FLNB: variants seen among roughly 807,000 people sequenced by gnomAD.
FLNB encodes the protein filamin-B.
FLNB carries 111 observed loss-of-function variants against 250.6 expected under a neutral mutation model. The observed-to-expected ratio is 0.44, with a 90% CI of 0.38 to 0.52. The LOEUF (loss-of-function observed/expected upper bound fraction) is 0.52. FLNB is among the 20% of genes least tolerant of loss of function. FLNB has a pLI of 0.00. For missense variants in FLNB, 2,869 were observed against 3,447.8 expected (o/e 0.83, Z 4.20); for synonymous variants, 1,302 against 1,372.1 (o/e 0.95, Z 1.13).
chr3:58,162,801 T>A, intron 42 of FLNB: 2 of 307,242 alleles, frequency 6.5e-6, no homozygotes, highest in South Asian at 6.4e-5. Flanking sequence ...AAACATAATT[T>A]AATTTTGGTG....
Position 58,148,775 on chromosome 3 carries a change from C to T in FLNB, c.6014C>T (p.Ala2005Val). Residue 2005 changes from alanine (A) to valine (V), a missense_variant, in exon 36 of 46, where the codon GCC becomes GTC. Physicochemically the swap from Ala to Val is moderately conservative, Grantham distance 64. Coordinates refer to ENST00000295956, the MANE Select transcript of FLNB (RefSeq NM_001457.4). ...VQSEIGDARRAKVYGRGLSEG... is the reference protein window; with the variant it reads ...VQSEIGDARRVKVYGRGLSEG... ...TCGGAGATTGGTGACGCCCGCCGAG[C>T]CAAAGTCTATGGCCGCGGCCTGTCA... is the stretch of plus-strand genomic sequence containing the variant. 11 of 1,614,080 alleles carry T rather than the reference C, an allele frequency of 6.8e-6. No homozygotes were observed. The highest frequency in any genetic ancestry group is 9.3e-6 in the Non-Finnish European group (11 of 1,180,008).
At chr3:58,112,068 C>A in intron 17 of FLNB, 81 bp from the exon 18 acceptor site, 1 of 1,362,014 alleles carries the variant, frequency 7.3e-7, no homozygotes, top group Non-Finnish European at 1.0e-6. Flanking sequence ...AGACCTGGTG[C>A]TGTTGAACCT....
chr3:58,099,912 T>C (rs898336557), intron 8 of FLNB, among the ~76,000 whole-genome samples: 1 of 152,234 alleles, frequency 6.6e-6, no homozygotes, highest in Non-Finnish European at 1.5e-5. Context: ...AGGGCTTTTT[T>C]AGATGGTGAA....
intron 18 of FLNB, among the ~76,000 whole-genome samples, chr3:58,117,606 T>C (rs1273407717): frequency 1.3e-5 from 2 of 152,144 alleles, no homozygotes; most frequent in Non-Finnish European, 2.9e-5. Flanking sequence ...AGCGAGTCAG[T>C]CCTGCCTTAA....
chr3:58,123,371 A>G lies in FLNB; in HGVS notation c.3405A>G (p.Lys1135=), dbSNP rs765181185. 6.2e-6 allele frequency: 10 copies of G among 1,613,908 alleles called. No homozygotes were observed. The highest frequency in any genetic ancestry group is 8.5e-6 in the Non-Finnish European group (10 of 1,180,022). Residue 1135 remains lysine, a synonymous_variant, in exon 21 of 46, where the codon AAA becomes AAG. Transcript: ENST00000295956. ...ADIEMPFDPS[K]VVASGPGLEH... ...TTGAAATGCCCTTTGACCCCTCTAA[A>G]GTCGTGGCATCGGGGCCAGGTCTCG...
At position 58,081,722 on chromosome 3, in the gene FLNB, G is replaced by A; in HGVS notation, c.733G>A (p.Gly245Arg). ...SQFPKAKLKP[G>R]APLKPKLNPK... ...GTTCCCCAAAGCCAAGCTCAAGCCG[G>A]GGGCTCCTCTCAAACCCAAACTCAA... The change falls in exon 4 of 46, where the codon GGG (glycine) becomes AGG (arginine). Residue 245 changes from glycine to arginine, a missense_variant. Coordinates refer to ENST00000295956, the MANE Select transcript of FLNB (RefSeq NM_001457.4). 1 of 1,614,068 alleles carries A rather than the reference G, an allele frequency of 6.2e-7. No homozygotes were observed. Among genetic ancestry groups the A allele is most frequent in the South Asian group, 1.1e-5 (1 of 91,086 alleles).
chr3:58,089,107 C>CA (rs534465702), intron 4 of FLNB, among the ~76,000 whole-genome samples: 5,688 of 138,898 alleles, frequency 0.041, 131 homozygotes, highest in Non-Finnish European at 0.06. Flanking sequence ...TATCCAGTTT[C>CA]AAAAAAAAAA....
chr3:58,103,440 T>G (rs76489676), intron 9 of FLNB, among the ~76,000 whole-genome samples: 1,969 of 152,326 alleles, frequency 0.013, 41 homozygotes, highest in East Asian at 0.054. Context: ...GTTTGGAGTT[T>G]GCAGCGTCAC....
chr3:58,040,128 A>T (rs1464049153), intron 1 of FLNB, among the ~76,000 whole-genome samples: 2 of 152,214 alleles, frequency 1.3e-5, no homozygotes. Flanking sequence ...CTGGGCAACA[A>T]GAGCCATCTC....
intron 4 of FLNB, among the ~76,000 whole-genome samples, chr3:58,094,260 G>A (rs1053619226): frequency 6.6e-6 from 1 of 152,108 alleles, no homozygotes; most frequent in African/African-American, 2.4e-5. Context: ...TAGAGACAGG[G>A]TTTCACCATG....
At chr3:58,069,139 T>TAA (rs966824772) in intron 1 of FLNB, among the ~76,000 whole-genome samples, 12 of 134,606 alleles carry the variant, frequency 8.9e-5, no homozygotes, top group African/African-American at 2.5e-4. Context: ...ACCCTGTCTT[T>TAA]AAAAAAAAAA....
Position 58,142,518 on chromosome 3 carries a change from C to T in FLNB, c.5182-132C>T. The T allele has an allele frequency of 5.1e-6, 4 of 780,408 alleles. No individual in the cohort carries two copies. The highest frequency in any genetic ancestry group is 4.5e-5 in the South Asian group (3 of 66,528). 48.3% of individuals were successfully genotyped at this position (780,408 alleles called of 1,614,324 possible). A position where few individuals can be genotyped will look rare whatever the true frequency, so the allele number is the denominator to read the frequency against. On this transcript the variant is annotated intron_variant, in intron 30 of 45. Transcript: ENST00000295956. The surrounding 1 kb of genome is among the most constrained non-coding windows in gnomAD (Gnocchi z 4.3). ...GGAGCCACTTAGACAAAGCCCATAC[C>T]ACAATGGGCAGCCGCATTCCCAAAT...
intron 8 of FLNB, among the ~76,000 whole-genome samples, chr3:58,100,373 A>AAATATAT: frequency 9.6e-6 from 1 of 104,386 alleles, no homozygotes; most frequent in Admixed American, 1.0e-4. Context: ...GTAAAAAAAA[A>AAATATAT]ATATATATAT....
intron 4 of FLNB, among the ~76,000 whole-genome samples, chr3:58,083,851 C>T (rs1053625587): frequency 6.6e-6 from 1 of 152,136 alleles, no homozygotes; most frequent in Non-Finnish European, 1.5e-5. Flanking sequence ...TCAAAGCCCT[C>T]CTCCCATTCA....
intron 34 of FLNB, among the ~76,000 whole-genome samples, chr3:58,147,579 G>A (rs1387157250): frequency 6.6e-6 from 1 of 152,214 alleles, no homozygotes; most frequent in Non-Finnish European, 1.5e-5. Flanking sequence ...AGTACTGTGT[G>A]GAATGTGGTC....
intron 12 of FLNB, among the ~76,000 whole-genome samples, chr3:58,107,869 ATGT>A (rs957795927): frequency 2.0e-5 from 3 of 152,232 alleles, no homozygotes; most frequent in Admixed American, 6.5e-5. Context: ...TCTAGGGCAA[ATGT>A]TGTCCGTGGT....
intron 1 of FLNB, among the ~76,000 whole-genome samples, chr3:58,061,532 G>A (rs1293349123): frequency 2.0e-5 from 3 of 151,844 alleles, no homozygotes; most frequent in Non-Finnish European, 4.4e-5. Flanking sequence ...TTTAAGACAA[G>A]CCTGGGAAAC....
intron 4 of FLNB, among the ~76,000 whole-genome samples, chr3:58,090,190 CAGGGTCAGG>C (rs1329878642): frequency 6.6e-6 from 1 of 151,280 alleles, no homozygotes; most frequent in African/African-American, 2.4e-5. Context: ...TAGACTTACA[CAGGGTCAGG>C]ATCATCATTA....
At chr3:58,104,919 T>A (rs542495106) in intron 10 of FLNB, among the ~76,000 whole-genome samples, 161 bp from the exon 11 acceptor site, 1 of 152,244 alleles carries the variant, frequency 6.6e-6, no homozygotes, top group South Asian at 2.1e-4. Context: ...ACAGTAGCTA[T>A]GGGTGAGAGG....
Sources: allele counts gnomAD v4.1 joint callset (sites outside exome capture counted in the v4.1 genomes callset), GRCh38; gene constraint gnomAD v4.1.1; non-coding constraint Gnocchi (gnomAD v3.1); transcripts MANE v1.5; gene names NCBI Gene and HGNC (gene_info 2026-07-23, HGNC 2026-07-21).